The following USP24 variants were observed in gnomAD, a reference collection of about 807,000 sequenced individuals.
USP24 encodes the protein ubiquitin carboxyl-terminal hydrolase 24.
Under a neutral mutation model 361.6 loss-of-function variants are expected in USP24, and 97 were observed. The ratio of observed to expected loss-of-function variants is 0.27; its 90% CI spans 0.23 to 0.32. USP24 has a LOEUF of 0.32. USP24 is among the 10% of genes least tolerant of loss of function. USP24 has a pLI of 1.00. For missense variants in USP24, 2,353 were observed against 3,165.6 expected, an observed-to-expected ratio of 0.74 and a Z score of 6.16; for synonymous variants, 1,098 against 1,124.6, an observed-to-expected ratio of 0.98 and a Z score of 0.47.
chr1:55,100,980 A>G lies in USP24; in HGVS notation c.5146-16T>C, dbSNP rs1259841884. 1 of 1,606,042 alleles carries G rather than the reference A, an allele frequency of 6.2e-7. No homozygotes were observed. Among genetic ancestry groups the G allele is most frequent in the South Asian group, 1.1e-5 (1 of 89,092 alleles). On this transcript the variant is annotated splice_polypyrimidine_tract_variant and intron_variant, in intron 43 of 67. Coordinates refer to ENST00000294383, the MANE Select transcript of USP24 (RefSeq NM_015306.3). ...AAAGTAATGACTGCACAGAAAAGAA[A>G]CATATCAAGCTTGAAATATTTAAAA...
chr1:55,125,734 T>C lies in USP24; in HGVS notation c.3660A>G (p.Arg1220=). ...GLSLVVNVMQ[R]DSIPSEVDYE... is the part of the protein sequence containing the mutation. ...AGTCTACTTCTGATGGGATGGAGTC[T>C]CTCTGCATGACATTTACAACCAAAC... Residue 1220 remains arginine, a synonymous_variant, in exon 33 of 68, where the codon AGA becomes AGG. Coordinates refer to ENST00000294383, the MANE Select transcript of USP24 (RefSeq NM_015306.3). 1.3e-6 allele frequency: 2 copies of C among 1,590,114 alleles called. No individual in the cohort carries two copies. The highest frequency in any genetic ancestry group is 1.2e-5 in the South Asian group (1 of 86,860).
intron 59 of USP24, among the ~76,000 whole-genome samples, chr1:55,080,154 A>T (rs889447367): frequency 6.6e-6 from 1 of 152,314 alleles, no homozygotes; most frequent in East Asian, 1.9e-4. Flanking sequence ...AGCAGAATCA[A>T]CCCATATAGA....
At chr1:55,116,701 A>G (rs1570446969) in intron 38 of USP24, among the ~76,000 whole-genome samples, 1 of 152,068 alleles carries the variant, frequency 6.6e-6, no homozygotes, top group South Asian at 2.1e-4. Flanking sequence ...AAAAGAAAAG[A>G]AAAGAAAAAC....
At chr1:55,129,675 A>C in intron 31 of USP24, 101 bp from the exon 32 acceptor site, 1 of 854,270 alleles carries the variant, frequency 1.2e-6, no homozygotes, top group Non-Finnish European at 1.8e-6. Context: ...GAATCTCTTT[A>C]AATGTTGCAC....
chr1:55,141,872 C>T, intron 23 of USP24, 141 bp from the exon 24 acceptor site: 1 of 738,054 alleles, frequency 1.4e-6, no homozygotes, highest in Admixed American at 2.5e-5. Context: ...CTGGCCTCTA[C>T]CTACTTAGGG....
Position 55,103,941 on chromosome 1 carries a change from T to C in USP24, c.4960A>G (p.Ile1654Val). 1 of 1,611,818 alleles carries C rather than the reference T, an allele frequency of 6.2e-7. No individual in the cohort carries two copies. The highest frequency in any genetic ancestry group is 1.1e-5 in the South Asian group (1 of 90,502). Reference protein sequence around the residue: ...LADSSPSNLQIIIKELLSMHH... With the variant: ...LADSSPSNLQVIIKELLSMHH... ...ATAGAAAGCAGTTCTTTTATAATAA[T>C]TTGAAGATTTGAAGGTGAACTATCA... The change falls in exon 42 of 68, where the codon ATT becomes GTT. Residue 1654 changes from isoleucine (I) to valine (V), a missense_variant. Physicochemically the swap from Ile to Val is conservative, Grantham distance 29. Transcript: ENST00000294383.
chr1:55,148,567 A>G lies in USP24; in HGVS notation c.1864T>C (p.Ser622Pro). 2 of 1,569,866 alleles carry G rather than the reference A, an allele frequency of 1.3e-6. No individual in the cohort carries two copies. Among genetic ancestry groups the G allele is most frequent in the Non-Finnish European group, 1.7e-6 (2 of 1,156,424 alleles). Residue 622 changes from serine to proline, a missense_variant, in exon 17 of 68, where the codon TCT becomes CCT. Coordinates refer to ENST00000294383, the MANE Select transcript of USP24 (RefSeq NM_015306.3). ...ACAAACTGGGGATTATTAAGCTGAG[A>G]TGACTAGAGTTAAAAAGAAGTTACA... is the stretch of plus-strand genomic sequence containing the variant. The part of the protein sequence containing the change: ...EKNKKDGFKS[S>P]QLNNPQFVWV...
intron 9 of USP24, among the ~76,000 whole-genome samples, 186 bp from the exon 10 acceptor site, chr1:55,159,222 G>A (rs996918894): frequency 1.4e-4 from 22 of 152,146 alleles, no homozygotes; most frequent in Non-Finnish European, 1.8e-4. Context: ...AAAGGAAAGG[G>A]AATGGTCCTG....
chr1:55,177,725 A>G (rs1024618552), intron 2 of USP24, among the ~76,000 whole-genome samples: 1 of 152,234 alleles, frequency 6.6e-6, no homozygotes, highest in Admixed American at 6.5e-5. Flanking sequence ...TTCTGTGGAA[A>G]AAGTTAATTT....
intron 30 of USP24, 42 bp downstream of exon 30, chr1:55,134,028 T>C (rs1646666533): frequency 2.0e-6 from 3 of 1,493,630 alleles, no homozygotes; most frequent in South Asian, 2.3e-5. Context: ...ACTCACTGAA[T>C]TGTGATATAA....
chr1:55,171,409 A>G (rs1649428759), intron 5 of USP24, 147 bp downstream of exon 5: 1 of 1,000,460 alleles, frequency 1.0e-6, no homozygotes, highest in African/African-American at 1.6e-5. Context: ...CTGAAAAAAA[A>G]TGTAGGCAAT....
intron 54 of USP24, among the ~76,000 whole-genome samples, chr1:55,091,593 G>A (rs1486442027): frequency 6.6e-6 from 1 of 152,178 alleles, no homozygotes; most frequent in Admixed American, 6.5e-5. Flanking sequence ...AGCTCCAGGA[G>A]TCTCTCACAC....
intron 16 of USP24, among the ~76,000 whole-genome samples, chr1:55,150,477 T>C (rs1647162930): frequency 6.6e-6 from 1 of 152,116 alleles, no homozygotes; most frequent in East Asian, 1.9e-4. Context: ...GGCTACACTA[T>C]AAAAGTTGCA....
At chr1:55,146,231 T>C in intron 19 of USP24, 122 bp from the exon 20 acceptor site, 1 of 577,592 alleles carries the variant, frequency 1.7e-6, no homozygotes. Flanking sequence ...AAAATACCAC[T>C]CAAAGCTAAA....
chr1:55,100,452 C>T (rs905929758), intron 44 of USP24, among the ~76,000 whole-genome samples: 2 of 150,686 alleles, frequency 1.3e-5, no homozygotes, highest in Admixed American at 6.6e-5. Flanking sequence ...GCCAAGATTG[C>T]GCCATTGCAC....
At chr1:55,098,757 G>C (rs971505584) in intron 45 of USP24, among the ~76,000 whole-genome samples, 199 bp from the exon 46 acceptor site, 1 of 152,156 alleles carries the variant, frequency 6.6e-6, no homozygotes, top group Non-Finnish European at 1.5e-5. Flanking sequence ...AAGAGGAGGA[G>C]GGATGGGTCA....
rs1351659879 is a variant in USP24, at chr1:55,138,604, C to T, written c.2928+4G>A. Reference sequence around the variant, plus strand: ...AATGGCTGTAGTTCTTAATGTAAACCTACCTCGACAGTGAAGGTATCTTTG... The same window carrying T: ...AATGGCTGTAGTTCTTAATGTAAACTTACCTCGACAGTGAAGGTATCTTTG... On this transcript the variant is annotated splice_donor_region_variant and intron_variant, in intron 26 of 67. Coordinates refer to ENST00000294383, the MANE Select transcript of USP24 (RefSeq NM_015306.3). 4 of 1,598,590 alleles carry T rather than the reference C, an allele frequency of 2.5e-6. No homozygotes were observed. In the South Asian group the frequency reaches 4.5e-5, roughly 18 times the overall value.
rs200504319 is a variant in USP24 at position 55,123,558 on chromosome 1, G to A, written c.4165C>T (p.His1389Tyr). 19 of 1,601,012 alleles carry A rather than the reference G, an allele frequency of 1.2e-5. No homozygotes were observed. In the Admixed American group the frequency reaches 1.9e-4, roughly 16 times the overall value. Residue 1389 changes from histidine to tyrosine, a missense_variant, in exon 36 of 68, where the codon CAT (histidine) becomes TAT (tyrosine). Physicochemically the swap from His to Tyr is moderately conservative, Grantham distance 83. Around this residue, in one of 8 missense-constraint regions of USP24, gnomAD observed 949 missense variants for 1,280.5 expected, o/e 0.74. Coordinates refer to ENST00000294383, the MANE Select transcript of USP24 (RefSeq NM_015306.3). ...TGTTGTCGAACACAGATTCCCGCAT[G>A]CAGGGCTACTGGTTCTCCTTCACTT... Reference protein sequence around the residue: ...SGSEGEPVALHAGICVRQQSV... With the variant: ...SGSEGEPVALYAGICVRQQSV...
chr1:55,099,919 ATG>A, intron 44 of USP24, 50 bp from the exon 45 acceptor site: 1 of 1,364,866 alleles, frequency 7.3e-7, no homozygotes, highest in South Asian at 1.3e-5. Context: ...CAATTTCTGA[ATG>A]TGGTAGAAAG....
Sources: gnomAD v4.1 joint callset for allele counts (sites outside exome capture counted in the v4.1 genomes callset) on GRCh38, gnomAD v4.1.1 for gene constraint, gnomAD v4.1.1 regional missense constraint, MANE v1.5 for transcripts, NCBI Gene and HGNC (gene_info 2026-07-23, HGNC 2026-07-21) for gene names.